ITCH: variants seen among roughly 807,000 people sequenced by gnomAD.
The protein encoded by ITCH is E3 ubiquitin-protein ligase Itchy homolog.
A neutral mutation model predicts 126.8 loss-of-function variants in ITCH; 28 were observed. That is an observed-to-expected ratio of 0.22 (90% CI 0.16 to 0.30). ITCH has a LOEUF of 0.30. ITCH is among the 10% of genes least tolerant of loss of function. The pLI, the probability that ITCH is intolerant of heterozygous loss-of-function variation, is 1.00. For missense variants in ITCH, 631 were observed against 1,032.4 expected, an observed-to-expected ratio of 0.61 and a Z score of 5.33; for synonymous variants, 342 against 340.0, an observed-to-expected ratio of 1.01 and a Z score of -0.06.
rs1032810188 is a variant in ITCH, at chr20:34,372,581, C to T, written c.-22+3111C>T. Among the ~76,000 whole-genome samples, 21 of 151,564 alleles carry T rather than the reference C, an allele frequency of 1.4e-4. 1 individual carries two copies. The highest frequency in any genetic ancestry group is 4.1e-4 in the African/African-American group (17 of 41,254). ...ATTTTTAGTAGAGATGGGGTTTCAC[C>T]GTGCTAGCCAGGATGGTCTCGATCT... On this transcript the variant is annotated intron_variant, in intron 2 of 24. Coordinates refer to ENST00000374864, the MANE Select transcript of ITCH (RefSeq NM_031483.7).
At chr20:34,465,125 T>C (rs1270012864) in intron 14 of ITCH, among the ~76,000 whole-genome samples, 1 of 152,242 alleles carries the variant, frequency 6.6e-6, no homozygotes, top group Non-Finnish European at 1.5e-5. Flanking sequence ...GAATGTCCAA[T>C]TTTCCCAAGC....
At chr20:34,487,879 C>T (rs958291341) in intron 20 of ITCH, among the ~76,000 whole-genome samples, 6 of 152,130 alleles carry the variant, frequency 3.9e-5, no homozygotes, top group Non-Finnish European at 2.9e-5. Flanking sequence ...GCGGAGGTTG[C>T]AGTAAGTCGA....
At chr20:34,436,340 C>T (rs1983001007) in intron 7 of ITCH, among the ~76,000 whole-genome samples, 1 of 152,174 alleles carries the variant, frequency 6.6e-6, no homozygotes, top group African/African-American at 2.4e-5. Flanking sequence ...AGCTAGAAAC[C>T]TTAATTTCCC....
chr20:34,459,018 G>A (rs541874290), intron 13 of ITCH, among the ~76,000 whole-genome samples: 1 of 152,238 alleles, frequency 6.6e-6, no homozygotes, highest in East Asian at 1.9e-4. Context: ...CAGTCGGAGG[G>A]CACAGTCCTC....
At chr20:34,456,414 T>A (rs2146352051) in intron 12 of ITCH, among the ~76,000 whole-genome samples, 1 of 148,458 alleles carries the variant, frequency 6.7e-6, no homozygotes, top group Non-Finnish European at 1.5e-5. Context: ...GGTATCCTAA[T>A]TTTTTTATTT....
intron 22 of ITCH, among the ~76,000 whole-genome samples, chr20:34,491,524 A>T (rs1217214197): frequency 6.6e-6 from 1 of 152,222 alleles, no homozygotes; most frequent in East Asian, 1.9e-4. Context: ...ATTACACTCA[A>T]AATGGTTAAA....
chr20:34,445,590 A>G (rs1227241978), intron 11 of ITCH, 129 bp downstream of exon 11: 2 of 848,892 alleles, frequency 2.4e-6, no homozygotes, highest in Non-Finnish European at 3.8e-6. Context: ...GTTAGTAGGT[A>G]TTATTTTTAG....
chr20:34,457,096 A>G (rs1336429274), intron 12 of ITCH, among the ~76,000 whole-genome samples: 1 of 152,166 alleles, frequency 6.6e-6, no homozygotes, highest in Non-Finnish European at 1.5e-5. Context: ...GTAAAAAACT[A>G]AATAACTGTT....
intron 23 of ITCH, among the ~76,000 whole-genome samples, chr20:34,496,536 T>C (rs895501978): frequency 6.6e-6 from 1 of 152,192 alleles, no homozygotes; most frequent in Non-Finnish European, 1.5e-5. Context: ...CCAGGTGTGG[T>C]GGCTCGTGCC....
intron 7 of ITCH, 105 bp downstream of exon 7, chr20:34,424,630 CAG>C: frequency 1.1e-6 from 1 of 946,210 alleles, no homozygotes; most frequent in Non-Finnish European, 1.7e-6. Context: ...AAATGAGTGT[CAG>C]AAAGAATTCA....
chr20:34,424,504 C>T lies in ITCH; in HGVS notation c.500C>T (p.Ser167Phe), dbSNP rs770147109. ...GGTGCTTCTCAGAATGATGATGGCT[C>T]CAGATCCAAGGATGAAACAAGGTAA... ...SESASQNDDG[S>F]RSKDETRVST... The change falls in exon 7 of 25, where the codon TCC becomes TTC. Residue 167 changes from serine (S) to phenylalanine (F), a missense_variant. Around this residue, in one of 4 missense-constraint regions of ITCH, gnomAD observed 220 missense variants for 265.7 expected, o/e 0.83. Coordinates refer to ENST00000374864, the MANE Select transcript of ITCH (RefSeq NM_031483.7). 6.2e-7 allele frequency: 1 copy of T among 1,613,440 alleles called. No homozygotes were observed. Among genetic ancestry groups the T allele is most frequent in the Non-Finnish European group, 8.5e-7 (1 of 1,179,502 alleles).
chr20:34,489,766 C>T, intron 21 of ITCH, 56 bp from the exon 22 acceptor site: 3 of 1,134,024 alleles, frequency 2.6e-6, no homozygotes, highest in Non-Finnish European at 4.0e-6. Flanking sequence ...TTTCCTATGT[C>T]CAGCTGTTTT....
At chr20:34,430,869 T>C (rs1366064683) in intron 7 of ITCH, among the ~76,000 whole-genome samples, 3 of 152,072 alleles carry the variant, frequency 2.0e-5, no homozygotes, top group Non-Finnish European at 4.4e-5. Context: ...TGGTGGTGAG[T>C]GAAGGTTGAA....
At chr20:34,386,503 A>T (rs1466740316) in intron 2 of ITCH, among the ~76,000 whole-genome samples, 1 of 152,186 alleles carries the variant, frequency 6.6e-6, no homozygotes. Context: ...TGACTTCATT[A>T]GGGTTTAGTT....
chr20:34,421,822 A>G (rs544288822), intron 6 of ITCH, among the ~76,000 whole-genome samples: 1 of 152,296 alleles, frequency 6.6e-6, no homozygotes, highest in South Asian at 2.1e-4. Context: ...AGCATGGACA[A>G]CATGGTGAGA....
At chr20:34,490,643 A>C (rs1006703639) in intron 22 of ITCH, among the ~76,000 whole-genome samples, 4 of 152,216 alleles carry the variant, frequency 2.6e-5, no homozygotes, top group African/African-American at 9.6e-5. Context: ...ACTCTGTCTC[A>C]AAAACAAAAA....
chr20:34,453,597 A>G (rs937147250), intron 12 of ITCH, among the ~76,000 whole-genome samples: 3 of 152,158 alleles, frequency 2.0e-5, no homozygotes, highest in African/African-American at 7.2e-5. Context: ...ACTCTTTCAA[A>G]AAACCAAAAG....
intron 6 of ITCH, among the ~76,000 whole-genome samples, chr20:34,420,776 G>A (rs1601859115): frequency 6.6e-6 from 1 of 152,078 alleles, no homozygotes; most frequent in South Asian, 2.1e-4. Flanking sequence ...GTTTTCATTT[G>A]CGTTTGTTCT....
At chr20:34,417,094 G>A (rs1393526742) in intron 6 of ITCH, 1 of 636,252 alleles carries the variant, frequency 1.6e-6, no homozygotes, top group East Asian at 3.1e-5. Flanking sequence ...TTGCTATTTA[G>A]GTAGACTTTT....
Sources: allele counts gnomAD v4.1 joint callset (sites outside exome capture counted in the v4.1 genomes callset), GRCh38; gene constraint gnomAD v4.1.1; regional missense constraint gnomAD v4.1.1; transcripts MANE v1.5; gene names NCBI Gene and HGNC (gene_info 2026-07-23, HGNC 2026-07-21).